OCA2: variants seen among roughly 807,000 people sequenced by gnomAD.
The protein encoded by OCA2 is OCA2 melanosomal transmembrane protein.
A neutral mutation model predicts 100.2 loss-of-function variants in OCA2; 77 were observed. That is an observed-to-expected ratio of 0.77 (90% CI 0.64 to 0.93). The LOEUF (loss-of-function observed/expected upper bound fraction) is 0.93, where lower values mean the gene tolerates loss of function less well. OCA2 is among the 40% of genes least tolerant of loss of function. OCA2 has a pLI of 0.00. For missense variants in OCA2, 1,062 were observed against 1,089.1 expected, an observed-to-expected ratio of 0.98 and a Z score of 0.35; for synonymous variants, 432 against 439.2, an observed-to-expected ratio of 0.98 and a Z score of 0.21.
chr15:27,968,879 T>C (rs1462290511), intron 14 of OCA2, among the ~76,000 whole-genome samples: 4 of 152,232 alleles, frequency 2.6e-5, no homozygotes, highest in South Asian at 2.1e-4. Context: ...GGGTATTACA[T>C]TGAATTTTGT....
chr15:27,934,929 C>T (rs1261586018), intron 18 of OCA2, among the ~76,000 whole-genome samples: 1 of 152,158 alleles, frequency 6.6e-6, no homozygotes, highest in African/African-American at 2.4e-5. Context: ...ATCAGGCTGC[C>T]GGTGCATAAG....
At chr15:27,884,865 C>A (rs2037161796) in intron 19 of OCA2, among the ~76,000 whole-genome samples, 1 of 151,980 alleles carries the variant, frequency 6.6e-6, no homozygotes, top group Non-Finnish European at 1.5e-5. Flanking sequence ...CTGTTTATTT[C>A]CCCAAAGGCA....
At chr15:27,941,011 A>C (rs537592332) in intron 18 of OCA2, among the ~76,000 whole-genome samples, 1 of 152,224 alleles carries the variant, frequency 6.6e-6, no homozygotes, top group Non-Finnish European at 1.5e-5. Flanking sequence ...CTGCAAAGTT[A>C]GGGATATCCT....
At chr15:28,057,332 T>A (rs1017362558) in intron 2 of OCA2, among the ~76,000 whole-genome samples, 1 of 151,972 alleles carries the variant, frequency 6.6e-6, no homozygotes, top group Non-Finnish European at 1.5e-5. Flanking sequence ...CTCATGGAAA[T>A]CAACTCTATG....
chr15:28,011,121 T>C (rs2042227727), intron 9 of OCA2, among the ~76,000 whole-genome samples: 2 of 152,134 alleles, frequency 1.3e-5, no homozygotes, highest in Non-Finnish European at 2.9e-5. Flanking sequence ...CAGTTGGACA[T>C]CCATAGGTTT....
chr15:27,894,338 G>A (rs948913072), intron 19 of OCA2, among the ~76,000 whole-genome samples: 1 of 152,182 alleles, frequency 6.6e-6, no homozygotes, highest in Non-Finnish European at 1.5e-5. Context: ...TGCAGGTACT[G>A]GGAGACGCAT....
intron 23 of OCA2, among the ~76,000 whole-genome samples, chr15:27,818,355 C>T (rs528095292): frequency 1.7e-3 from 252 of 152,300 alleles, no homozygotes; most frequent in African/African-American, 6.0e-3. Context: ...CACCACCGCA[C>T]TCCAGCCTGG....
In OCA2 at chr15:27,856,500, T is replaced by G. The variant is rs190575942; in HGVS notation, c.2245-5025A>C. ...TGGCAGCTCATGTTTAGGATGTGAC[T>G]TGCTGATATCAGGGCAGGCAATAAC... On this transcript the variant is annotated intron_variant, in intron 21 of 23. Coordinates refer to ENST00000354638, the MANE Select transcript of OCA2 (RefSeq NM_000275.3). 3.7e-3 allele frequency among the ~76,000 whole-genome samples: 558 copies of G among 152,244 alleles called. 1 individual carries two copies. The highest frequency in any genetic ancestry group is 5.4e-3 in the Non-Finnish European group (370 of 68,020).
downstream of OCA2, among the ~76,000 whole-genome samples, chr15:27,753,100 A>G (rs2030129093): frequency 6.6e-6 from 1 of 152,046 alleles, no homozygotes; most frequent in Non-Finnish European, 1.5e-5. Context: ...TGACTTTTAA[A>G]TTTTAGAGCA....
chr15:27,723,557 C>G, the OCA2 span, among the ~76,000 whole-genome samples: 2 of 151,950 alleles, frequency 1.3e-5, no homozygotes, highest in Non-Finnish European at 2.9e-5. Context: ...AAGAGGGAAT[C>G]AGTGTGAAGA....
At chr15:28,089,740 A>G (rs1382477469) in intron 1 of OCA2, among the ~76,000 whole-genome samples, 1 of 152,232 alleles carries the variant, frequency 6.6e-6, no homozygotes, top group African/African-American at 2.4e-5. Flanking sequence ...ATAACAGTAT[A>G]TGGGTTCACA....
intron 5 of OCA2, among the ~76,000 whole-genome samples, chr15:28,023,934 C>A (rs1158791270): frequency 1.3e-5 from 2 of 152,134 alleles, no homozygotes. Context: ...AGACACACAG[C>A]CACAGACAGG....
intron 2 of OCA2, among the ~76,000 whole-genome samples, chr15:28,040,090 G>A (rs2043159272): frequency 6.6e-6 from 1 of 151,800 alleles, no homozygotes; most frequent in African/African-American, 2.4e-5. Context: ...AGAGACACCA[G>A]GAGCACACAT....
chr15:27,992,719 A>T (rs558533678), intron 9 of OCA2, among the ~76,000 whole-genome samples: 2 of 152,338 alleles, frequency 1.3e-5, no homozygotes, highest in South Asian at 4.1e-4. Flanking sequence ...GCAGATAGGG[A>T]TGAAGCCTGC....
intron 23 of OCA2, among the ~76,000 whole-genome samples, chr15:27,774,298 AAG>A (rs2032061447): frequency 6.6e-6 from 1 of 152,212 alleles, no homozygotes; most frequent in Non-Finnish European, 1.5e-5. Flanking sequence ...GGCAGTGAGG[AAG>A]AGAGTCCATG....
Position 28,016,124 on chromosome 15 carries a change from C to G in OCA2, c.870G>C (p.Arg290Ser). Reference protein sequence around the residue: ...PRRSEHSVMSRTFEVLTRETV... With the variant: ...PRRSEHSVMSSTFEVLTRETV... The stretch of plus-strand genomic sequence containing the variant: ...CTCACCTGGTCAGTACCTCAAAGGT[C>G]CTGCTCATCACTGAGTGCTCGCTTC... Residue 290 changes from arginine (R) to serine (S), a missense_variant, in exon 8 of 24, where the codon AGG (arginine) becomes AGC (serine). Transcript: ENST00000354638. 1 of 1,614,152 alleles carries G rather than the reference C, an allele frequency of 6.2e-7. No individual in the cohort carries two copies. Among genetic ancestry groups the G allele is most frequent in the South Asian group, 1.1e-5 (1 of 91,084 alleles).
At chr15:27,768,364 C>T (rs569651443) in intron 23 of OCA2, among the ~76,000 whole-genome samples, 3 of 152,166 alleles carry the variant, frequency 2.0e-5, no homozygotes, top group Admixed American at 6.5e-5. Flanking sequence ...TTCAGTCACA[C>T]GCCGTCACTC....
chr15:28,020,139 C>T (rs562868924), intron 6 of OCA2, among the ~76,000 whole-genome samples: 1 of 152,150 alleles, frequency 6.6e-6, no homozygotes, highest in Admixed American at 6.5e-5. Flanking sequence ...ATCCCCACCC[C>T]CTGCCAAGAA....
At position 27,955,262 on chromosome 15, in the gene OCA2, T is replaced by C. The variant is rs7170989; in HGVS notation, c.1785-47A>G. ...TCATTACTTCCCTGGTCACGCTGCG[T>C]GGTGAGATCGCGGAGCAGCAGTCCC... On this transcript the variant is annotated intron_variant, in intron 16 of 23. Transcript: ENST00000354638. 965,922 of 1,386,276 alleles carry C rather than the reference T, an allele frequency of 0.7. 357,104 individuals carry two copies. The highest frequency in any genetic ancestry group is 0.78 in the Non-Finnish European group (755,528 of 972,420). 85.9% of individuals were successfully genotyped at this position (1,386,276 alleles called of 1,614,324 possible). A position where few individuals can be genotyped will look rare whatever the true frequency, so the allele number is the denominator to read the frequency against.
Sources: allele counts gnomAD v4.1 joint callset (sites outside exome capture counted in the v4.1 genomes callset), GRCh38; gene constraint gnomAD v4.1.1; transcripts MANE v1.5; gene names NCBI Gene and HGNC (gene_info 2026-07-23, HGNC 2026-07-21).